Variants in USP49 observed in about 807,000 individuals in gnomAD.
USP49 encodes the protein ubiquitin specific peptidase 49.
Under a neutral mutation model 58.6 loss-of-function variants are expected in USP49, and 24 were observed. That is an observed-to-expected ratio of 0.41 (90% CI 0.30 to 0.58). USP49 has a LOEUF of 0.58. USP49 is among the 20% of genes least tolerant of loss of function. The pLI is 0.30. For synonymous variants in USP49, 408 were observed against 365.1 expected, an observed-to-expected ratio of 1.12 and a Z score of -1.34; for missense variants, 703 against 866.1, an observed-to-expected ratio of 0.81 and a Z score of 2.36.
At chr6:41,888,086 ACT>A (rs1414837723) in intron 2 of USP49, among the ~76,000 whole-genome samples, 1 of 116,814 alleles carries the variant, frequency 8.6e-6, no homozygotes, top group Non-Finnish European at 1.6e-5. Flanking sequence ...ATGCAGTGTC[ACT>A]CTGTCATCCA....
intron 3 of USP49, among the ~76,000 whole-genome samples, chr6:41,845,729 G>A (rs1773911164): frequency 6.7e-6 from 1 of 150,118 alleles, no homozygotes; most frequent in African/African-American, 2.4e-5. Context: ...GTAAGTAAAT[G>A]TCCTTTAAAT....
chr6:41,880,601 A>G (rs1204565404), intron 2 of USP49, among the ~76,000 whole-genome samples: 1 of 152,228 alleles, frequency 6.6e-6, no homozygotes, highest in Non-Finnish European at 1.5e-5. Flanking sequence ...GTGATGCCTG[A>G]TAAAGTCAGA....
intron 5 of USP49, among the ~76,000 whole-genome samples, chr6:41,802,460 AT>A (rs71545916): frequency 1.4e-5 from 1 of 71,398 alleles, no homozygotes; most frequent in Non-Finnish European, 2.7e-5. Context: ...TTATTTATTT[AT>A]TTATTTATTT....
chr6:41,806,383 C>A lies in USP49; in HGVS notation c.601G>T (p.Ala201Ser). 6.5e-7 allele frequency: 1 copy of A among 1,549,170 alleles called. No individual in the cohort carries two copies. The highest frequency in any genetic ancestry group is 1.2e-5 in the South Asian group (1 of 82,426). Residue 201 changes from alanine to serine, a missense_variant, in exon 4 of 8, where the codon GCC (alanine) becomes TCC (serine). Physicochemically the swap from Ala to Ser is moderately conservative, Grantham distance 99. This residue lies in a region of USP49 where 376 missense variants were observed against 373.5 expected (regional missense o/e 1.01). Transcript: ENST00000682992. This position sits in a 1 kb window ranked among gnomAD's most constrained non-coding sequence, Gnocchi z 5.9. ...GCACTCTTGCGCGGAGGGGTGCTGG[C>A]CAGCTCCTCCAGCAGCCGCCGTTTC... ...EVKRRLLEEL[A>S]STPPRKSARL...
chr6:41,804,843 G>A (rs1268534322), intron 4 of USP49, among the ~76,000 whole-genome samples: 1 of 152,134 alleles, frequency 6.6e-6, no homozygotes, highest in Non-Finnish European at 1.5e-5. Context: ...CCGCCTCCTG[G>A]GCTTAAGCAA....
At chr6:41,832,691 CA>C (rs200586241) in intron 3 of USP49, among the ~76,000 whole-genome samples, 2 of 151,328 alleles carry the variant, frequency 1.3e-5, no homozygotes, top group African/African-American at 4.9e-5. Context: ...AGAAATTAGT[CA>C]AAAAAAAATT....
chr6:41,861,422 G>A (rs559743043), intron 3 of USP49, among the ~76,000 whole-genome samples: 7 of 152,200 alleles, frequency 4.6e-5, no homozygotes, highest in Non-Finnish European at 5.9e-5. Context: ...CAGCCTGGGC[G>A]ACAGAGTGAG....
At chr6:41,863,711 GA>G (rs1774262157) in intron 3 of USP49, among the ~76,000 whole-genome samples, 1 of 152,132 alleles carries the variant, frequency 6.6e-6, no homozygotes, top group Non-Finnish European at 1.5e-5. Context: ...CTAGCATATA[GA>G]AGGTGCTCAA....
chr6:41,801,685 CAAAG>C (rs1325188055), intron 5 of USP49, among the ~76,000 whole-genome samples: 2 of 152,122 alleles, frequency 1.3e-5, no homozygotes, highest in Non-Finnish European at 2.9e-5. Context: ...ATGAAATTCA[CAAAG>C]AAAAAGAAAT....
chr6:41,842,034 G>T (rs544991527), intron 3 of USP49, among the ~76,000 whole-genome samples: 28 of 152,172 alleles, frequency 1.8e-4, no homozygotes, highest in Non-Finnish European at 2.6e-4. Context: ...TCCAGCCTGG[G>T]TGACAGAGCA....
intron 3 of USP49, among the ~76,000 whole-genome samples, chr6:41,869,106 CACCG>C (rs1487699948): frequency 7.1e-6 from 1 of 140,070 alleles, no homozygotes; most frequent in Non-Finnish European, 1.5e-5. Context: ...TTAATTTTAA[CACCG>C]AGATAACAGG....
chr6:41,863,797 C>A (rs1774263760), intron 3 of USP49, among the ~76,000 whole-genome samples: 1 of 152,170 alleles, frequency 6.6e-6, no homozygotes, highest in South Asian at 2.1e-4. Context: ...TTCACCCTCA[C>A]CCACTTTGAA....
intron 3 of USP49, among the ~76,000 whole-genome samples, chr6:41,859,565 G>C (rs1214427982): frequency 6.6e-6 from 1 of 152,066 alleles, no homozygotes; most frequent in African/African-American, 2.4e-5. Context: ...TAACAAACCT[G>C]AAGAAGACAT....
intron 3 of USP49, among the ~76,000 whole-genome samples, chr6:41,831,247 G>A (rs952937931): frequency 2.6e-5 from 4 of 151,848 alleles, no homozygotes; most frequent in South Asian, 2.1e-4. Flanking sequence ...AAAATTAGCC[G>A]GGCGTGGTGG....
chr6:41,842,784 T>A (rs1226334558), intron 3 of USP49, among the ~76,000 whole-genome samples: 4 of 151,842 alleles, frequency 2.6e-5, no homozygotes, highest in African/African-American at 9.7e-5. Flanking sequence ...TAAATTTGAT[T>A]TTTAGTTTTT....
chr6:41,859,906 G>T (rs1774191156), intron 3 of USP49, among the ~76,000 whole-genome samples: 1 of 152,134 alleles, frequency 6.6e-6, no homozygotes, highest in African/African-American at 2.4e-5. Context: ...AATATAAAAA[G>T]AAAGTGTGTA....
chr6:41,818,514 T>C (rs1378024880), intron 3 of USP49, among the ~76,000 whole-genome samples: 1 of 152,206 alleles, frequency 6.6e-6, no homozygotes, highest in Non-Finnish European at 1.5e-5. Context: ...GCCTACTTGC[T>C]ACAACCTGGT....
intron 2 of USP49, among the ~76,000 whole-genome samples, chr6:41,875,431 A>G (rs987340342): frequency 6.6e-6 from 1 of 152,218 alleles, no homozygotes; most frequent in African/African-American, 2.4e-5. Flanking sequence ...GGAGGAGAGA[A>G]ATAGCATCTT....
intron 1 of USP49, among the ~76,000 whole-genome samples, chr6:41,894,652 C>G (rs531311971): frequency 7.3e-5 from 11 of 150,908 alleles, no homozygotes; most frequent in African/African-American, 1.4e-4. Context: ...TCTTCCACTT[C>G]CAACACTTAC....
Sources: allele counts gnomAD v4.1 joint callset (sites outside exome capture counted in the v4.1 genomes callset), GRCh38; gene constraint gnomAD v4.1.1; regional missense constraint gnomAD v4.1.1; non-coding constraint Gnocchi (gnomAD v3.1); transcripts MANE v1.5; gene names NCBI Gene and HGNC (gene_info 2026-07-23, HGNC 2026-07-21).